Variants in UPF1 observed in about 807,000 individuals in gnomAD.
UPF1 encodes the protein UPF1 RNA helicase and ATPase, also known as regulator of nonsense transcripts 1.
Under a neutral mutation model 129.2 loss-of-function variants are expected in UPF1, and 9 were observed. The observed-to-expected ratio is 0.07, with a 90% CI of 0.04 to 0.12. The LOEUF (loss-of-function observed/expected upper bound fraction) is 0.12. Among genes scored for constraint, UPF1 ranks in the 10% least tolerant of loss-of-function variants. UPF1 has a pLI of 1.00. For missense variants in UPF1, 788 were observed against 1,525.3 expected (o/e 0.52, Z 8.05); for synonymous variants, 649 against 644.9 (o/e 1.01, Z -0.10).
chr19:18,859,662 C>T (rs973911737), intron 15 of UPF1: 1 of 152,364 alleles, frequency 6.6e-6, no homozygotes, highest in Non-Finnish European at 1.5e-5. Context: ...CACCGGTTTT[C>T]TCCACTGATG....
In UPF1 at chr19:18,853,080, G is replaced by A. The variant is rs1369634400; in HGVS notation, c.1057+9G>A. 5.0e-6 allele frequency: 8 copies of A among 1,613,786 alleles called. No homozygotes were observed. The highest frequency in any genetic ancestry group is 1.1e-5 in the South Asian group (1 of 91,050). On this transcript the variant is annotated intron_variant, in intron 7 of 23. Transcript: ENST00000262803. The surrounding 1 kb of genome is among the most constrained non-coding windows in gnomAD (Gnocchi z 4.4). The stretch of plus-strand genomic sequence containing the variant: ...GCCCAAGACTGACTCTGGTAATGAG[G>A]ATTTAGTCATAATTTGGTTAAGAGG...
intron 3 of UPF1, among the ~76,000 whole-genome samples, chr19:18,848,761 GT>G (rs2055626671): frequency 6.6e-6 from 1 of 152,192 alleles, no homozygotes; most frequent in South Asian, 2.1e-4. Context: ...AGGGGCTGCT[GT>G]TTTTAAAAGA....
chr19:18,837,913 C>T (rs574916213), intron 1 of UPF1, among the ~76,000 whole-genome samples: 7 of 152,316 alleles, frequency 4.6e-5, no homozygotes, highest in African/African-American at 1.7e-4. Flanking sequence ...AGCTCCTAGC[C>T]GACCTGTCGT....
intron 14 of UPF1, 37 bp downstream of exon 14, chr19:18,857,057 G>T (rs778191449): frequency 1.3e-6 from 2 of 1,591,518 alleles, no homozygotes; most frequent in South Asian, 2.2e-5. Flanking sequence ...GTGAAAACTC[G>T]TGTGTGTGAT....
chr19:18,854,832 AGGC>A, intron 9 of UPF1, 44 bp from the exon 10 acceptor site: 1 of 1,608,850 alleles, frequency 6.2e-7, no homozygotes, highest in Non-Finnish European at 8.5e-7. Flanking sequence ...GATGTCGGAG[AGGC>A]GGCCACAGCT....
In UPF1 at chr19:18,868,046, C is replaced by G. The variant is rs1470965520; in HGVS notation, c.*1529C>G. The G allele has an allele frequency of 6.2e-6, 1 of 160,766 alleles. No individual in the cohort carries two copies. Among genetic ancestry groups the G allele is most frequent in the African/African-American group, 2.4e-5 (1 of 41,562 alleles). 10.0% of individuals were successfully genotyped at this position (160,766 alleles called of 1,614,324 possible). A position where few individuals can be genotyped will look rare whatever the true frequency, so the allele number is the denominator to read the frequency against. ...ACCCCGCGGCGGCCTGAGGGACGCT[C>G]CCTGCCCCATCCCGGCTGTTGGGCT... is the stretch of plus-strand genomic sequence containing the variant. On this transcript the variant is annotated 3_prime_UTR_variant, in exon 24 of 24. Transcript: ENST00000262803.
Position 18,865,958 on chromosome 19 carries a change from A to C in UPF1, c.3238-86A>C, listed in dbSNP as rs1316131844. 12 of 1,597,978 alleles carry C rather than the reference A, an allele frequency of 7.5e-6. No individual in the cohort carries two copies. The highest frequency in any genetic ancestry group is 1.7e-4 in the Middle Eastern group (1 of 5,966). On this transcript the variant is annotated intron_variant, in intron 22 of 23. Transcript: ENST00000262803. The surrounding 1 kb of genome is among the most constrained non-coding windows in gnomAD (Gnocchi z 6.1). ...GTCTTAGTTTGGGGACGGGTTTTCC[A>C]TTCTTTTCTCTGGGGCTGCTGAGGG...
intron 18 of UPF1, chr19:18,862,918 CA>C (rs1485631064): frequency 6.5e-6 from 1 of 153,610 alleles, no homozygotes; most frequent in African/African-American, 2.4e-5. Flanking sequence ...CTCCACCCAG[CA>C]CAGGGAGAGA....
At position 18,832,797 on chromosome 19, in the gene UPF1, C is replaced by T. The variant is rs9917075; in HGVS notation, c.231+357C>T. 2.2e-3 allele frequency among the ~76,000 whole-genome samples: 332 copies of T among 152,326 alleles called. 2 individuals are homozygous for T. Among genetic ancestry groups the T allele is most frequent in the African/African-American group, 7.6e-3 (318 of 41,572 alleles). ...TACGCCAGCTGGGTTTGCTCCCCCT[C>T]CTGGGCCCGGGCTGACCTGCCTTGT... On this transcript the variant is annotated intron_variant, in intron 1 of 23. Transcript: ENST00000262803. This position sits in a 1 kb window ranked among gnomAD's most constrained non-coding sequence, Gnocchi z 5.6.
rs1428961637 is a variant in UPF1 at position 18,853,449 on chromosome 19, G to A, written c.1156+99G>A. 1.7e-6 allele frequency: 2 copies of A among 1,187,010 alleles called. No individual in the cohort carries two copies. The highest frequency in any genetic ancestry group is 1.2e-6 in the Non-Finnish European group (1 of 855,766). 73.5% of individuals were successfully genotyped at this position (1,187,010 alleles called of 1,614,324 possible). A position where few individuals can be genotyped will look rare whatever the true frequency, so the allele number is the denominator to read the frequency against. Reference sequence around the variant, plus strand: ...GGATTTGATGCTCACTGCTGGGCCAGCATCTCATGCTCTGTGGTGGGTGCT... The same window carrying A: ...GGATTTGATGCTCACTGCTGGGCCAACATCTCATGCTCTGTGGTGGGTGCT... On this transcript the variant is annotated intron_variant, in intron 8 of 23. Transcript: ENST00000262803. The surrounding 1 kb of genome is among the most constrained non-coding windows in gnomAD (Gnocchi z 4.4).
chr19:18,860,655 T>G (rs538991473), intron 16 of UPF1, among the ~76,000 whole-genome samples, 171 bp from the exon 17 acceptor site: 2 of 152,344 alleles, frequency 1.3e-5, no homozygotes, highest in African/African-American at 4.8e-5. Context: ...TGGCAGCCGT[T>G]TCTGCCCCTC....
intron 1 of UPF1, among the ~76,000 whole-genome samples, chr19:18,843,751 GTT>G: frequency 6.9e-6 from 1 of 145,138 alleles, no homozygotes; most frequent in Non-Finnish European, 1.5e-5. Context: ...GTGTGTGTGT[GTT>G]GTTGTTAAGA....
At chr19:18,863,987 G>A (rs975820030) in intron 19 of UPF1, among the ~76,000 whole-genome samples, 183 bp from the exon 20 acceptor site, 2 of 152,114 alleles carry the variant, frequency 1.3e-5, no homozygotes, top group Admixed American at 6.5e-5. Context: ...CAGGTCTGCC[G>A]AGGAGGGCAG....
intron 3 of UPF1, chr19:18,848,938 T>C (rs1020211672): frequency 6.6e-6 from 1 of 152,252 alleles, no homozygotes; most frequent in African/African-American, 2.4e-5. Context: ...CCGGTCAGCA[T>C]AGCCAAGAAC....
Position 18,856,189 on chromosome 19 carries a change from G to A in UPF1, c.1713G>A (p.Met571Ile). 2 of 1,609,342 alleles carry A rather than the reference G, an allele frequency of 1.2e-6. No individual in the cohort carries two copies. The highest frequency in any genetic ancestry group is 2.7e-5 in the African/African-American group (2 of 74,988). ...GCTGACCTGCATGTGCTTCCAGCAT[G>A]CCTGAGCTGCAGAAGCTGCAGCAGC... ...LHNQIRNMDS[M>I]PELQKLQQLK... is the part of the protein sequence containing the mutation. The change falls in exon 13 of 24, where the codon ATG becomes ATA. Residue 571 changes from methionine (M) to isoleucine (I), a missense_variant. By Grantham distance (10) the Met-to-Ile change is conservative. Coordinates refer to ENST00000262803, the MANE Select transcript of UPF1 (RefSeq NM_002911.4).
At chr19:18,848,014 A>C (rs2055618726) in intron 3 of UPF1, 181 bp downstream of exon 3, 1 of 561,610 alleles carries the variant, frequency 1.8e-6, no homozygotes, top group Non-Finnish European at 3.2e-6. Flanking sequence ...TAATGTATTT[A>C]CCCTTGATTT....
At chr19:18,838,212 G>A (rs1268831417) in intron 1 of UPF1, among the ~76,000 whole-genome samples, 1 of 152,234 alleles carries the variant, frequency 6.6e-6, no homozygotes, top group Non-Finnish European at 1.5e-5. Context: ...GATGGCCCAT[G>A]CCTGTAATCC....
intron 6 of UPF1, among the ~76,000 whole-genome samples, chr19:18,852,636 T>A (rs1007471315): frequency 6.5e-5 from 5 of 77,280 alleles, no homozygotes; most frequent in Admixed American, 1.3e-4. Flanking sequence ...TGACCTCCCC[T>A]CCCTCCCTCC....
At position 18,832,534 on chromosome 19, in the gene UPF1, G is replaced by A; in HGVS notation, c.231+94G>A. 1 of 918,256 alleles carries A rather than the reference G, an allele frequency of 1.1e-6. No homozygotes were observed. The highest frequency in any genetic ancestry group is 1.3e-6 in the Non-Finnish European group (1 of 768,066). 56.9% of individuals were successfully genotyped at this position (918,256 alleles called of 1,614,324 possible). On this transcript the variant is annotated intron_variant, in intron 1 of 23. Coordinates refer to ENST00000262803, the MANE Select transcript of UPF1 (RefSeq NM_002911.4). The surrounding 1 kb of genome is among the most constrained non-coding windows in gnomAD (Gnocchi z 5.6). ...CCTCGGGCCCGGCCTGTGTTTGGCC[G>A]GAGTCCCCCATCGCGGCCGGGCCTG...
Sources: allele counts gnomAD v4.1 joint callset (sites outside exome capture counted in the v4.1 genomes callset), GRCh38; gene constraint gnomAD v4.1.1; non-coding constraint Gnocchi (gnomAD v3.1); transcripts MANE v1.5; gene names NCBI Gene and HGNC (gene_info 2026-07-23, HGNC 2026-07-21).